Variants in NTRK3 observed in about 807,000 individuals in gnomAD.
NTRK3 encodes the protein neurotrophic receptor tyrosine kinase 3.
A neutral mutation model predicts 91.7 loss-of-function variants in NTRK3; 24 were observed. The observed-to-expected ratio is 0.26, with a 90% CI of 0.19 to 0.37. The LOEUF is 0.37. NTRK3 is among the 10% of genes least tolerant of loss of function. NTRK3 has a pLI of 1.00. For missense variants in NTRK3, 880 were observed against 1,068.9 expected (o/e 0.82, Z 2.46); for synonymous variants, 483 against 404.0 (o/e 1.20, Z -2.34).
intron 5 of NTRK3, 60 bp from the exon 6 acceptor site, chr15:88,147,463 G>C (rs183620815): frequency 7.2e-7 from 1 of 1,385,016 alleles, no homozygotes; most frequent in African/African-American, 1.4e-5. Context: ...TAATGCTCTA[G>C]GTAGTAAGCT....
chr15:88,136,588 C>G (rs1221940346), exon 8 of NTRK3: 6 of 1,613,224 alleles, frequency 3.7e-6, no homozygotes, highest in Non-Finnish European at 3.4e-6. Context: ...GTTGACGTGG[C>G]TCACGCTGAT....
chr15:87,869,205 G>T (rs2141401659), exon 19 of NTRK3: 1 of 229,550 alleles, frequency 4.4e-6, no homozygotes, highest in East Asian at 6.2e-5. Context: ...CCTCTCCTAG[G>T]GTCAGATCTC....
intron 6 of NTRK3, among the ~76,000 whole-genome samples, chr15:88,137,923 C>T (rs1314129502): frequency 2.6e-5 from 4 of 152,126 alleles, no homozygotes; most frequent in Non-Finnish European, 2.9e-5. Context: ...TGGTGGCGCA[C>T]GCCTGTAGTC....
At chr15:88,238,354 T>TA (rs1445193642) in intron 3 of NTRK3, among the ~76,000 whole-genome samples, 2 of 152,176 alleles carry the variant, frequency 1.3e-5, no homozygotes, top group African/African-American at 4.8e-5. Context: ...AAAGTTTCAT[T>TA]ATAATAAAGA....
chr15:88,049,671 G>C (rs767057107), intron 13 of NTRK3, among the ~76,000 whole-genome samples: 1 of 152,180 alleles, frequency 6.6e-6, no homozygotes, highest in Non-Finnish European at 1.5e-5. Context: ...CAGAACATTG[G>C]CCTAATATGC....
rs561921500 is a variant in NTRK3, at chr15:87,886,317, G to A, written c.2134-5889C>T. Among the ~76,000 whole-genome samples the A allele has an allele frequency of 2.0e-5, 3 of 152,016 alleles. No individual in the cohort carries two copies. The East Asian group carries it at 5.8e-4, about 29-fold the overall frequency. On this transcript the variant is annotated intron_variant, in intron 17 of 18. Coordinates refer to ENST00000394480, the Ensembl canonical transcript of NTRK3. ...AGCAATTTCACCTCTAGGAGTCTTA[G>A]AAAGATAATTCACTCAGGTAAGCAA... is the stretch of plus-strand genomic sequence containing the variant.
At chr15:88,207,147 A>G (rs1232052301) in intron 3 of NTRK3, among the ~76,000 whole-genome samples, 2 of 152,146 alleles carry the variant, frequency 1.3e-5, no homozygotes, top group African/African-American at 4.8e-5. Context: ...CAGGAGCTCA[A>G]TGGTATTTGT....
intron 17 of NTRK3, among the ~76,000 whole-genome samples, chr15:87,903,566 A>C (rs1161562445): frequency 6.6e-6 from 1 of 152,240 alleles, no homozygotes; most frequent in Non-Finnish European, 1.5e-5. Flanking sequence ...TGCTAAGGCA[A>C]CTGAGAGTTC....
chr15:88,031,655 C>A (rs2078547345), intron 14 of NTRK3, among the ~76,000 whole-genome samples: 1 of 152,128 alleles, frequency 6.6e-6, no homozygotes, highest in South Asian at 2.1e-4. Context: ...CAAACGATGA[C>A]CTTATGCTGA....
chr15:87,976,060 T>C (rs1383477067), intron 14 of NTRK3, among the ~76,000 whole-genome samples: 1 of 152,088 alleles, frequency 6.6e-6, no homozygotes, highest in Non-Finnish European at 1.5e-5. Flanking sequence ...TCTTCTCCCA[T>C]ACACTGATAG....
chr15:88,225,405 C>A (rs1459827943), intron 3 of NTRK3, among the ~76,000 whole-genome samples: 1 of 152,136 alleles, frequency 6.6e-6, no homozygotes, highest in African/African-American at 2.4e-5. Context: ...CAGAAGCCAC[C>A]CATCCCACCT....
At chr15:88,017,095 T>C (rs1008479509) in intron 14 of NTRK3, among the ~76,000 whole-genome samples, 17 of 151,814 alleles carry the variant, frequency 1.1e-4, no homozygotes, top group African/African-American at 3.9e-4. Flanking sequence ...GCACCAAAAA[T>C]GGGAGGCATT....
At chr15:88,197,584 C>A (rs1201761612) in intron 3 of NTRK3, among the ~76,000 whole-genome samples, 1 of 152,176 alleles carries the variant, frequency 6.6e-6, no homozygotes, top group Admixed American at 6.5e-5. Context: ...ACAGAAGCAA[C>A]TTTTTCTCTG....
At chr15:88,133,998 A>C (rs1358796150) in intron 10 of NTRK3, among the ~76,000 whole-genome samples, 2 of 152,236 alleles carry the variant, frequency 1.3e-5, no homozygotes, top group Non-Finnish European at 2.9e-5. Flanking sequence ...ACACCCTGGT[A>C]ATTTGTAGAC....
chr15:87,929,470 G>A (rs1464805983), intron 16 of NTRK3, 36 bp from the exon 17 acceptor site: 4 of 1,609,906 alleles, frequency 2.5e-6, no homozygotes, highest in Admixed American at 3.3e-5. Context: ...GGGGCAGAGA[G>A]AAATCAGGAG....
intron 14 of NTRK3, among the ~76,000 whole-genome samples, chr15:87,976,112 T>A (rs993230252): frequency 7.2e-5 from 11 of 152,114 alleles, no homozygotes; most frequent in African/African-American, 2.4e-4. Context: ...ATCTCTCCTA[T>A]ATTAAAAATG....
intron 14 of NTRK3, among the ~76,000 whole-genome samples, chr15:87,992,658 C>A (rs1334148576): frequency 1.3e-5 from 2 of 152,238 alleles, no homozygotes; most frequent in East Asian, 3.9e-4. Context: ...ACCTTCTCAG[C>A]ATCCCTATGA....
chr15:88,087,339 AG>A (rs1460991800), intron 13 of NTRK3, among the ~76,000 whole-genome samples: 1 of 151,960 alleles, frequency 6.6e-6, no homozygotes, highest in African/African-American at 2.4e-5. Context: ...GCCCTGGGGG[AG>A]TGTCCGGCAG....
chr15:88,203,318 A>C (rs8025609), intron 3 of NTRK3, among the ~76,000 whole-genome samples: 7,596 of 152,202 alleles, frequency 0.05, 600 homozygotes, highest in African/African-American at 0.17. Context: ...ACCAGCTGCT[A>C]CACATGGGAA....
Sources: allele counts gnomAD v4.1 joint callset (sites outside exome capture counted in the v4.1 genomes callset), GRCh38; gene constraint gnomAD v4.1.1; transcripts MANE v1.5; gene names NCBI Gene and HGNC (gene_info 2026-07-23, HGNC 2026-07-21).